B4GALNT2: variants seen among roughly 807,000 people sequenced by gnomAD.
B4GALNT2 encodes N-acetylneuraminylgalactosylglucosyl-glucoside beta-1,4-N- acetylgalactosaminyltransferase 2.
B4GALNT2 carries 42 observed loss-of-function variants against 51.1 expected under a neutral mutation model. The observed-to-expected ratio is 0.82, with a 90% CI of 0.64 to 1.06. The LOEUF is 1.06. Ranked by LOEUF, B4GALNT2 falls within the 50% of genes least tolerant of loss-of-function variation. The pLI, the probability that B4GALNT2 is intolerant of heterozygous loss-of-function variation, is 0.00. For synonymous variants in B4GALNT2, 253 were observed against 251.7 expected (o/e 1.01, Z -0.05); for missense variants, 602 against 633.6 (o/e 0.95, Z 0.54).
chr17:49,157,980 C>T (rs913438238), intron 5 of B4GALNT2, among the ~76,000 whole-genome samples: 6 of 152,116 alleles, frequency 3.9e-5, no homozygotes, highest in Admixed American at 2.0e-4. Flanking sequence ...TAGATAACTG[C>T]GATGACTCAC....
At chr17:49,167,508 C>T (rs1421606991) in intron 9 of B4GALNT2, among the ~76,000 whole-genome samples, 3 of 151,850 alleles carry the variant, frequency 2.0e-5, no homozygotes, top group Non-Finnish European at 4.4e-5. Flanking sequence ...ATAGCTTATA[C>T]ACATGTATTA....
At chr17:49,164,009 A>G in intron 7 of B4GALNT2, 79 bp from the exon 8 acceptor site, 1 of 1,379,064 alleles carries the variant, frequency 7.3e-7, no homozygotes, top group South Asian at 1.4e-5. Context: ...TGGCAGAAAG[A>G]AGCCATCAGA....
rs2042984323 is a variant in B4GALNT2 at position 49,175,898 on chromosome 17, G to A, written c.*6170G>A. ...ATAATGAGGGGGTGAAGAAGAGTAG[G>A]GACAAACCTCTTCCTCATTTGCCGC... On this transcript the variant is annotated 3_prime_UTR_variant, in exon 11 of 11. Transcript: ENST00000393354. The A allele has an allele frequency of 6.6e-6, 1 of 152,100 alleles. No individual in the cohort carries two copies. Among genetic ancestry groups the A allele is most frequent in the Non-Finnish European group, 1.5e-5 (1 of 68,024 alleles). The allele number at this position is 152,100 out of a possible 1,614,324, so 9.4% of individuals were successfully genotyped here. A position where few individuals can be genotyped will look rare whatever the true frequency, so the allele number is the denominator to read the frequency against.
At chr17:49,123,335 A>G in the B4GALNT2 span, among the ~76,000 whole-genome samples, 1 of 152,264 alleles carries the variant, frequency 6.6e-6, no homozygotes, top group Non-Finnish European at 1.5e-5. Flanking sequence ...TTTTCAGTTC[A>G]TAGGGCTTTA....
At chr17:49,131,328 C>G (rs1420033317), upstream of B4GALNT2, among the ~76,000 whole-genome samples, 1 of 151,948 alleles carries the variant, frequency 6.6e-6, no homozygotes, top group East Asian at 1.9e-4. Flanking sequence ...ATTAAAACTC[C>G]CTTCTGAGAG....
chr17:49,171,561 C>G lies in B4GALNT2; in HGVS notation c.*1833C>G, dbSNP rs1408317358. ...CTTATGTTTAGCTTCTACAGTGGAC[C>G]ATATCATTTGAGGTTGAGGTGCCAC... On this transcript the variant is annotated 3_prime_UTR_variant, in exon 11 of 11. Transcript: ENST00000393354. 1 of 421,692 alleles carries G rather than the reference C, an allele frequency of 2.4e-6. No homozygotes were observed. The highest frequency in any genetic ancestry group is 2.1e-5 in the African/African-American group (1 of 47,910). 26.1% of individuals were successfully genotyped at this position (421,692 alleles called of 1,614,324 possible).
Position 49,173,339 on chromosome 17 carries a change from A to G in B4GALNT2, c.*3611A>G, listed in dbSNP as rs929070133. 6.6e-6 allele frequency: 1 copy of G among 152,256 alleles called. No homozygotes were observed. The highest frequency in any genetic ancestry group is 2.4e-5 in the African/African-American group (1 of 41,474). 9.4% of individuals were successfully genotyped at this position (152,256 alleles called of 1,614,324 possible). A position where few individuals can be genotyped will look rare whatever the true frequency, so the allele number is the denominator to read the frequency against. ...CCTATTAAAAGCAGTCAATACCTCA[A>G]TTACAGCTATAAGCTCTGCTTTTTG... is the stretch of plus-strand genomic sequence containing the variant. On this transcript the variant is annotated 3_prime_UTR_variant, in exon 11 of 11. Transcript: ENST00000393354.
the B4GALNT2 span, among the ~76,000 whole-genome samples, chr17:49,126,362 C>A: frequency 4.6e-5 from 7 of 152,082 alleles, no homozygotes; most frequent in East Asian, 1.3e-3. Flanking sequence ...ACAAACACTG[C>A]GGAAGGCTGC....
intron 6 of B4GALNT2, 147 bp downstream of exon 6, chr17:49,159,364 C>T (rs1051164551): frequency 3.4e-5 from 24 of 698,734 alleles, no homozygotes; most frequent in African/African-American, 1.7e-4. Flanking sequence ...TTTTTTGAGA[C>T]GGAGTCTCAC....
chr17:49,156,016 C>T (rs951521212), intron 4 of B4GALNT2, among the ~76,000 whole-genome samples: 6 of 152,044 alleles, frequency 3.9e-5, no homozygotes, highest in South Asian at 2.1e-4. Flanking sequence ...CTTGAGCCAC[C>T]GCGCCCAGCC....
chr17:49,125,604 C>T, the B4GALNT2 span, among the ~76,000 whole-genome samples: 61 of 150,592 alleles, frequency 4.1e-4, no homozygotes, highest in Admixed American at 1.2e-3. Flanking sequence ...CCCGGCTGCC[C>T]GTCGTCTGGG....
chr17:49,141,624 T>C (rs2042645030), intron 2 of B4GALNT2, among the ~76,000 whole-genome samples, 177 bp downstream of exon 2: 1 of 152,204 alleles, frequency 6.6e-6, no homozygotes, highest in Non-Finnish European at 1.5e-5. Flanking sequence ...ATCCAGTCTA[T>C]GTTCTCTATA....
chr17:49,124,935 A>G, the B4GALNT2 span, among the ~76,000 whole-genome samples: 103 of 152,320 alleles, frequency 6.8e-4, 2 homozygotes, highest in Non-Finnish European at 4.3e-4. Context: ...TTCCTTTACA[A>G]TTAACCTTCC....
At chr17:49,135,919 A>G (rs1482503442) in intron 1 of B4GALNT2, among the ~76,000 whole-genome samples, 1 of 151,508 alleles carries the variant, frequency 6.6e-6, no homozygotes, top group Admixed American at 6.6e-5. Context: ...AAAATAAAAT[A>G]AAATAAAATA....
intron 4 of B4GALNT2, among the ~76,000 whole-genome samples, chr17:49,155,297 C>CAAA (rs34869721): frequency 3.0e-4 from 16 of 54,132 alleles, no homozygotes; most frequent in Non-Finnish European, 4.3e-4. Flanking sequence ...GATTCAGTCT[C>CAAA]AAAAAAAAAA....
intron 2 of B4GALNT2, 56 bp from the exon 3 acceptor site, chr17:49,141,979 C>T: frequency 6.2e-7 from 1 of 1,605,492 alleles, no homozygotes; most frequent in Non-Finnish European, 8.5e-7. Flanking sequence ...CCGGTTTCCT[C>T]TCACCCACCA....
At position 49,170,400 on chromosome 17, in the gene B4GALNT2, C is replaced by T. The variant is rs1378691923; in HGVS notation, c.*672C>T. 9 of 152,460 alleles carry T rather than the reference C, an allele frequency of 5.9e-5. No homozygotes were observed. The highest frequency in any genetic ancestry group is 5.9e-4 in the Admixed American group (9 of 15,298). The allele number at this position is 152,460 out of a possible 1,614,324, so 9.4% of individuals were successfully genotyped here. A position where few individuals can be genotyped will look rare whatever the true frequency, so the allele number is the denominator to read the frequency against. Reference sequence around the variant, plus strand: ...GAGGGCCCTGGGGCCATCCCACTGTCCACCAGAACAAAGGCTGCCCTGGCA... The same window carrying T: ...GAGGGCCCTGGGGCCATCCCACTGTTCACCAGAACAAAGGCTGCCCTGGCA... On this transcript the variant is annotated 3_prime_UTR_variant, in exon 11 of 11. Coordinates refer to ENST00000393354, the MANE Select transcript of B4GALNT2 (RefSeq NM_001159387.2).
chr17:49,133,158 C>T, intron 1 of B4GALNT2: 1 of 1,528,566 alleles, frequency 6.5e-7, no homozygotes, highest in Non-Finnish European at 8.7e-7. Context: ...CTGCTTGGAA[C>T]TCAGAGGCGC....
upstream of B4GALNT2, among the ~76,000 whole-genome samples, chr17:49,132,122 G>C (rs1598191545): frequency 6.6e-6 from 1 of 152,148 alleles, no homozygotes; most frequent in African/African-American, 2.4e-5. Flanking sequence ...CTGGGTGACA[G>C]TTTCAAAAAA....
Sources: gnomAD v4.1 joint callset for allele counts (sites outside exome capture counted in the v4.1 genomes callset) on GRCh38, gnomAD v4.1.1 for gene constraint, MANE v1.5 for transcripts, NCBI Gene and HGNC (gene_info 2026-07-23, HGNC 2026-07-21) for gene names.